OLFM3: variants seen among roughly 807,000 people sequenced by gnomAD.
The protein encoded by OLFM3 is noelin-3.
OLFM3 carries 20 observed loss-of-function variants against 48.6 expected under a neutral mutation model. The observed-to-expected ratio is 0.41, with a 90% CI of 0.29 to 0.60. The LOEUF (loss-of-function observed/expected upper bound fraction) is 0.60, where lower values mean the gene tolerates loss of function less well. Among genes scored for constraint, OLFM3 ranks in the 20% least tolerant of loss-of-function variants. OLFM3 has a pLI of 0.28. For synonymous variants in OLFM3, 222 were observed against 198.1 expected (o/e 1.12, Z -1.01); for missense variants, 437 against 544.3 (o/e 0.80, Z 1.96).
In OLFM3 at chr1:101,928,407, T is replaced by C. The variant is rs1242558023; in HGVS notation, c.69+68341A>G. Reference sequence around the variant, plus strand: ...TTTGAATTTGGCAAGATCTACAAAATGAGAGAAATAGATCCTGACTCCTTC... The same window carrying C: ...TTTGAATTTGGCAAGATCTACAAAACGAGAGAAATAGATCCTGACTCCTTC... On this transcript the variant is annotated intron_variant, in intron 1 of 5. Coordinates refer to ENST00000370103, the MANE Select transcript of OLFM3 (RefSeq NM_058170.4). Among the ~76,000 whole-genome samples, 4 of 152,262 alleles carry C rather than the reference T, an allele frequency of 2.6e-5. No homozygotes were observed. The East Asian group carries it at 7.7e-4, about 29-fold the overall frequency.
chr1:101,843,874 T>G (rs1244260489), intron 1 of OLFM3, among the ~76,000 whole-genome samples: 2 of 152,246 alleles, frequency 1.3e-5, no homozygotes, highest in Admixed American at 6.5e-5. Flanking sequence ...TAATCTGTTT[T>G]TTTAACCTCT....
At chr1:101,897,361 A>G (rs1658242911) in intron 1 of OLFM3, among the ~76,000 whole-genome samples, 1 of 152,208 alleles carries the variant, frequency 6.6e-6, no homozygotes, top group Admixed American at 6.5e-5. Flanking sequence ...AATTCCGACA[A>G]TTCTAGTATG....
intron 1 of OLFM3, among the ~76,000 whole-genome samples, chr1:101,868,699 G>T (rs1656953804): frequency 6.6e-6 from 1 of 152,210 alleles, no homozygotes; most frequent in Admixed American, 6.5e-5. Context: ...TCCAAGGCAT[G>T]TTATGGTGGC....
At chr1:101,986,636 T>C (rs1241526310) in intron 1 of OLFM3, among the ~76,000 whole-genome samples, 2 of 152,210 alleles carry the variant, frequency 1.3e-5, no homozygotes, top group Admixed American at 6.5e-5. Flanking sequence ...TATGTACAAA[T>C]AGACAAAATG....
intron 1 of OLFM3, among the ~76,000 whole-genome samples, chr1:101,981,841 GTTTTA>G (rs1661113940): frequency 6.6e-6 from 1 of 151,912 alleles, no homozygotes; most frequent in Admixed American, 6.6e-5. Flanking sequence ...TTAGGATGGA[GTTTTA>G]TTTTATTTAT....
chr1:101,993,459 A>G (rs980696391), intron 1 of OLFM3, among the ~76,000 whole-genome samples: 10 of 152,092 alleles, frequency 6.6e-5, no homozygotes, highest in African/African-American at 2.2e-4. Flanking sequence ...GCAATAATTG[A>G]ATTCCTACAG....
chr1:101,978,061 C>G (rs1267820199), intron 1 of OLFM3, among the ~76,000 whole-genome samples: 2 of 152,032 alleles, frequency 1.3e-5, no homozygotes, highest in East Asian at 1.9e-4. Context: ...GACTAATCTA[C>G]TGAAAAATAA....
chr1:101,902,271 T>A (rs1206469779), intron 1 of OLFM3, among the ~76,000 whole-genome samples: 1 of 151,998 alleles, frequency 6.6e-6, no homozygotes, highest in African/African-American at 2.4e-5. Flanking sequence ...ATCTATTCGA[T>A]AGAATAAGTC....
intron 1 of OLFM3, among the ~76,000 whole-genome samples, chr1:101,900,874 G>A (rs758381087): frequency 2.0e-5 from 3 of 151,990 alleles, no homozygotes; most frequent in Non-Finnish European, 4.4e-5. Flanking sequence ...CAGATTTACT[G>A]CAAATTTAGA....
chr1:101,858,909 G>C (rs531429955), intron 1 of OLFM3, among the ~76,000 whole-genome samples: 2 of 152,180 alleles, frequency 1.3e-5, no homozygotes, highest in African/African-American at 2.4e-5. Flanking sequence ...GTCATTAACT[G>C]TTAGTGATTA....
chr1:101,855,464 G>A (rs1181357821), intron 1 of OLFM3, among the ~76,000 whole-genome samples: 2 of 151,940 alleles, frequency 1.3e-5, no homozygotes, highest in East Asian at 3.9e-4. Flanking sequence ...CACCTCATAG[G>A]TATGCAAAAA....
intron 1 of OLFM3, among the ~76,000 whole-genome samples, chr1:101,928,347 G>C (rs776244479): frequency 6.6e-6 from 1 of 152,070 alleles, no homozygotes; most frequent in Non-Finnish European, 1.5e-5. Context: ...CTTTTTGTAG[G>C]ATTATAGAGG....
intron 1 of OLFM3, among the ~76,000 whole-genome samples, chr1:101,946,853 C>A (rs986591111): frequency 2.6e-5 from 4 of 152,044 alleles, no homozygotes; most frequent in Admixed American, 2.6e-4. Flanking sequence ...TGTATACTTA[C>A]AATGATTGAA....
At chr1:101,831,113 G>A (rs1203286976) in intron 2 of OLFM3, among the ~76,000 whole-genome samples, 1 of 152,160 alleles carries the variant, frequency 6.6e-6, no homozygotes, top group African/African-American at 2.4e-5. Context: ...TTTAAAAATA[G>A]AATTTTCATT....
intron 1 of OLFM3, among the ~76,000 whole-genome samples, chr1:101,890,060 C>T (rs1657929585): frequency 6.6e-6 from 1 of 151,918 alleles, no homozygotes; most frequent in African/African-American, 2.4e-5. Flanking sequence ...GACACTTGTT[C>T]ACATCAAAAG....
intron 1 of OLFM3, among the ~76,000 whole-genome samples, chr1:101,987,153 A>G (rs1345104103): frequency 6.6e-6 from 1 of 152,228 alleles, no homozygotes; most frequent in Non-Finnish European, 1.5e-5. Flanking sequence ...CTTTGGCATC[A>G]ATGAGGGTTG....
chr1:101,849,561 T>G (rs1472726507), intron 1 of OLFM3, among the ~76,000 whole-genome samples: 1 of 152,240 alleles, frequency 6.6e-6, no homozygotes, highest in Non-Finnish European at 1.5e-5. Flanking sequence ...TGTGAATCAT[T>G]GCTTAGTCAT....
rs143546877 is a variant in OLFM3, at chr1:101,855,058, G to T, written c.70-18033C>A. Among the ~76,000 whole-genome samples, 3 of 152,040 alleles carry T rather than the reference G, an allele frequency of 2.0e-5. No homozygotes were observed. In the East Asian group the frequency reaches 5.8e-4, roughly 29 times the overall value. On this transcript the variant is annotated intron_variant, in intron 1 of 5. Transcript: ENST00000370103. ...GACAAGCGAAGTTCATCAAACTTTGGAGTAAATTAACAATATAAAATTTAT... is the reference window on the plus strand; with the variant it reads ...GACAAGCGAAGTTCATCAAACTTTGTAGTAAATTAACAATATAAAATTTAT...
chr1:101,804,972 C>A lies in OLFM3; in HGVS notation c.700-57G>T. ...CTAAATTCTGTACTTTTCTGATAAC[C>A]CCAAAAGAAAGACAGTGAGAGTCAA... On this transcript the variant is annotated intron_variant, in intron 5 of 5. Transcript: ENST00000370103. This position sits in a 1 kb window ranked among gnomAD's most constrained non-coding sequence, Gnocchi z 4.5. 2 of 1,363,278 alleles carry A rather than the reference C, an allele frequency of 1.5e-6. No homozygotes were observed. The highest frequency in any genetic ancestry group is 1.0e-6 in the Non-Finnish European group (1 of 997,828). 84.4% of individuals were successfully genotyped at this position (1,363,278 alleles called of 1,614,324 possible).
Sources: allele counts gnomAD v4.1 joint callset (sites outside exome capture counted in the v4.1 genomes callset), GRCh38; gene constraint gnomAD v4.1.1; non-coding constraint Gnocchi (gnomAD v3.1); transcripts MANE v1.5; gene names NCBI Gene and HGNC (gene_info 2026-07-23, HGNC 2026-07-21).